TBC1D22A: variants seen among roughly 807,000 people sequenced by gnomAD.
The protein encoded by TBC1D22A is TBC1 domain family member 22A, also known as putative GTPase activator.
Under a neutral mutation model 60.2 loss-of-function variants are expected in TBC1D22A, and 38 were observed. The ratio of observed to expected loss-of-function variants is 0.63; its 90% CI spans 0.49 to 0.83. The LOEUF (loss-of-function observed/expected upper bound fraction) is 0.83. TBC1D22A is among the 40% of genes least tolerant of loss of function. The probability of loss-of-function intolerance (pLI) is 0.00; values close to 1 mark genes in which losing one functional copy is unlikely to be tolerated. For synonymous variants in TBC1D22A, 302 were observed against 281.7 expected (o/e 1.07, Z -0.72); for missense variants, 628 against 701.0 (o/e 0.90, Z 1.18).
chr22:46,984,515 C>T lies in TBC1D22A; in HGVS notation c.1125+10116C>T, dbSNP rs1296646784. 6.0e-5 allele frequency among the ~76,000 whole-genome samples: 9 copies of T among 150,826 alleles called. 1 individual carries two copies. In the South Asian group the frequency reaches 1.5e-3, roughly 25 times the overall value. ...AGCACTCATGCCAAGGTTGTCGGTT[C>T]GCTATTACTTCTTGAATTACAGCTT... On this transcript the variant is annotated intron_variant, in intron 9 of 12. Coordinates refer to ENST00000337137, the MANE Select transcript of TBC1D22A (RefSeq NM_014346.5).
At chr22:46,885,777 C>A (rs1484675603) in intron 5 of TBC1D22A, among the ~76,000 whole-genome samples, 2 of 152,154 alleles carry the variant, frequency 1.3e-5, no homozygotes, top group Admixed American at 1.3e-4. Context: ...ACCAGCACAT[C>A]CCAGTGAAAG....
At chr22:46,893,578 A>G (rs1033721358) in intron 6 of TBC1D22A, among the ~76,000 whole-genome samples, 23 of 152,178 alleles carry the variant, frequency 1.5e-4, no homozygotes, top group African/African-American at 5.6e-4. Context: ...GCAGGAGCTT[A>G]TGCTGCTCAT....
At chr22:46,900,721 A>ACATTT (rs1254787980) in intron 7 of TBC1D22A, among the ~76,000 whole-genome samples, 24 of 152,272 alleles carry the variant, frequency 1.6e-4, no homozygotes, top group African/African-American at 5.3e-4. Context: ...AAGGATCAGG[A>ACATTT]GTTCATTGCC....
intron 4 of TBC1D22A, among the ~76,000 whole-genome samples, chr22:46,848,097 AAGTT>A (rs2087104021): frequency 6.6e-6 from 1 of 152,238 alleles, no homozygotes; most frequent in South Asian, 2.1e-4. Flanking sequence ...AGAGTGATCT[AAGTT>A]AGTTGGATGA....
chr22:47,078,142 G>A (rs948208143), intron 11 of TBC1D22A, among the ~76,000 whole-genome samples: 1 of 152,170 alleles, frequency 6.6e-6, no homozygotes, highest in Non-Finnish European at 1.5e-5. Flanking sequence ...CCTTGAGGGG[G>A]TAGAAAGTGT....
rs1433772374 is a variant in TBC1D22A at position 46,793,651 on chromosome 22, C to T, written c.270C>T (p.Asn90=). The T allele has an allele frequency of 6.2e-7, 1 of 1,613,530 alleles. No individual in the cohort carries two copies. Among genetic ancestry groups the T allele is most frequent in the East Asian group, 2.2e-5 (1 of 44,884 alleles). ...TGGCCATGGCGGCGGAGAGCCTGAA[C>T]TCCGAGGTGGTCATGGAGACGGCCA... is the stretch of plus-strand genomic sequence containing the variant. ...ELLAMAAESL[N]SEVVMETANR... Residue 90 remains asparagine (N), a synonymous_variant, in exon 3 of 13, where the codon AAC becomes AAT. Coordinates refer to ENST00000337137, the MANE Select transcript of TBC1D22A (RefSeq NM_014346.5).
At chr22:46,927,188 G>T (rs1223575414) in intron 8 of TBC1D22A, among the ~76,000 whole-genome samples, 1 of 152,120 alleles carries the variant, frequency 6.6e-6, no homozygotes, top group Non-Finnish European at 1.5e-5. Flanking sequence ...TATCACAATG[G>T]ACTTAAAAAT....
chr22:47,154,805 G>T (rs938720550), intron 12 of TBC1D22A, among the ~76,000 whole-genome samples: 1 of 152,204 alleles, frequency 6.6e-6, no homozygotes. Context: ...CCCCCTCCTG[G>T]TGATTTCTGC....
At chr22:47,162,756 C>T (rs1199637416) in intron 12 of TBC1D22A, among the ~76,000 whole-genome samples, 1 of 139,532 alleles carries the variant, frequency 7.2e-6, no homozygotes, top group Non-Finnish European at 1.5e-5. Flanking sequence ...CAGGGAGAGT[C>T]GGGGGAGTGG....
At chr22:46,917,349 G>A (rs751568392) in intron 8 of TBC1D22A, among the ~76,000 whole-genome samples, 4 of 152,194 alleles carry the variant, frequency 2.6e-5, no homozygotes, top group Non-Finnish European at 5.9e-5. Context: ...ACCAGAGGCC[G>A]GTGGAGGCAG....
intron 11 of TBC1D22A, among the ~76,000 whole-genome samples, chr22:47,076,035 C>T (rs982940133): frequency 1.5e-4 from 23 of 151,998 alleles, no homozygotes; most frequent in African/African-American, 5.1e-4. Context: ...CTTGGCCTTA[C>T]GGTATATTAG....
At chr22:46,870,236 A>G (rs1363057345) in intron 4 of TBC1D22A, among the ~76,000 whole-genome samples, 16 of 152,240 alleles carry the variant, frequency 1.1e-4, no homozygotes, top group Admixed American at 9.8e-4. Flanking sequence ...ACCCAGGTGC[A>G]CTGAACCCAC....
intron 10 of TBC1D22A, among the ~76,000 whole-genome samples, chr22:47,005,964 CTATACACACACCTACACACAGTCCCG>C (rs1433482720): frequency 2.0e-5 from 3 of 151,664 alleles, no homozygotes; most frequent in Non-Finnish European, 4.4e-5. Context: ...CTACACATGC[CTATACACACACCTACACACAGTCCCG>C]TATACACAGG....
chr22:47,016,974 G>A (rs963093097), intron 10 of TBC1D22A, among the ~76,000 whole-genome samples: 1 of 152,238 alleles, frequency 6.6e-6, no homozygotes, highest in African/African-American at 2.4e-5. Context: ...TTTGTCTGAC[G>A]CGCTCAGGCC....
chr22:46,794,532 A>T (rs1232897878), intron 3 of TBC1D22A, among the ~76,000 whole-genome samples: 1 of 152,164 alleles, frequency 6.6e-6, no homozygotes, highest in African/African-American at 2.4e-5. Context: ...CGATGAACCC[A>T]CTGTGGGCCG....
chr22:46,866,984 A>G (rs945767260), intron 4 of TBC1D22A, among the ~76,000 whole-genome samples: 2 of 152,206 alleles, frequency 1.3e-5, no homozygotes, highest in African/African-American at 4.8e-5. Context: ...GCTTGGGCTC[A>G]TTGCAGGGAG....
At position 47,076,071 on chromosome 22, in the gene TBC1D22A, C is replaced by T. The variant is rs140154806; in HGVS notation, c.1330-35437C>T. ...GTAAATGTTGCCAGAATTACAAGGA[C>T]AGATTGACAAATCTGTAATCATTGT... On this transcript the variant is annotated intron_variant, in intron 11 of 12. Transcript: ENST00000337137. Among the ~76,000 whole-genome samples, 4 of 152,156 alleles carry T rather than the reference C, an allele frequency of 2.6e-5. No individual in the cohort carries two copies. In the East Asian group the frequency reaches 7.7e-4, roughly 29 times the overall value.
Position 46,774,225 on chromosome 22 carries a change from T to C in TBC1D22A, c.62+11377T>C, listed in dbSNP as rs1389242439. 6.1e-6 allele frequency: 6 copies of C among 985,518 alleles called. No homozygotes were observed. In the Admixed American group the frequency reaches 1.8e-4, roughly 30 times the overall value. 61.0% of individuals were successfully genotyped at this position (985,518 alleles called of 1,614,324 possible). A position where few individuals can be genotyped will look rare whatever the true frequency, so the allele number is the denominator to read the frequency against. On this transcript the variant is annotated intron_variant, in intron 1 of 12. Coordinates refer to ENST00000337137, the MANE Select transcript of TBC1D22A (RefSeq NM_014346.5). ...TGCTGTGCTCGGCAGCAGAGATTCT[T>C]CTGGAGTGAGGTGAGCAGCTTGTTC...
intron 3 of TBC1D22A, among the ~76,000 whole-genome samples, chr22:46,797,225 G>A (rs2084692377): frequency 6.6e-6 from 1 of 152,214 alleles, no homozygotes; most frequent in South Asian, 2.1e-4. Flanking sequence ...TTTTATGCAA[G>A]GTGGTCCATT....
Sources: allele counts gnomAD v4.1 joint callset (sites outside exome capture counted in the v4.1 genomes callset), GRCh38; gene constraint gnomAD v4.1.1; transcripts MANE v1.5; gene names NCBI Gene and HGNC (gene_info 2026-07-23, HGNC 2026-07-21).